The following SAMMSON variants were observed in gnomAD, a reference collection of about 807,000 sequenced individuals.
SAMMSON encodes the protein survival associated mitochondrial melanoma specific oncogenic non-coding RNA.
intron 1 of SAMMSON, among the ~76,000 whole-genome samples, chr3:70,009,969 T>C (rs1309501620): frequency 6.7e-6 from 1 of 149,850 alleles, no homozygotes; most frequent in Non-Finnish European, 1.5e-5. Flanking sequence ...TTCTTAATCC[T>C]GAGTTCTAGT....
At chr3:70,134,323 G>C (rs2067496973) in intron 4 of SAMMSON, among the ~76,000 whole-genome samples, 1 of 149,194 alleles carries the variant, frequency 6.7e-6, no homozygotes, top group Non-Finnish European at 1.5e-5. Flanking sequence ...TAGTGTTCCT[G>C]ATACATAGAA....
At chr3:70,006,377 G>A (rs917513881) in intron 1 of SAMMSON, among the ~76,000 whole-genome samples, 9 of 152,148 alleles carry the variant, frequency 5.9e-5, no homozygotes, top group African/African-American at 1.4e-4. Context: ...TTAAGGGCCC[G>A]CCCTTCCCTC....
At chr3:70,024,156 C>A (rs1447298374) in intron 3 of SAMMSON, among the ~76,000 whole-genome samples, 1 of 152,072 alleles carries the variant, frequency 6.6e-6, no homozygotes, top group Non-Finnish European at 1.5e-5. Flanking sequence ...GTTCTTTGAC[C>A]CAAAGAACAA....
At chr3:70,391,766 T>C (rs1701050803), downstream of SAMMSON, among the ~76,000 whole-genome samples, 1 of 152,180 alleles carries the variant, frequency 6.6e-6, no homozygotes, top group African/African-American at 2.4e-5. Context: ...AATGGGAATT[T>C]AGTTATACAG....
At chr3:70,382,312 G>T (rs758435509) in intron 9 of SAMMSON, among the ~76,000 whole-genome samples, 1 of 151,974 alleles carries the variant, frequency 6.6e-6, no homozygotes, top group African/African-American at 2.4e-5. Flanking sequence ...CTTTTGAGAT[G>T]CTCTTTAATA....
intron 9 of SAMMSON, among the ~76,000 whole-genome samples, chr3:70,365,970 CTTTTTTTTTTTTTTTTTTT>C (rs1193657961): frequency 0.025 from 702 of 27,814 alleles, 243 homozygotes; most frequent in African/African-American, 0.086. Flanking sequence ...TTTACCTTTT[CTTTTTTTTTTTTTTTTTTT>C]TTTTTTTTTT....
At chr3:70,321,675 A>C (rs1056095983) in intron 7 of SAMMSON, among the ~76,000 whole-genome samples, 1 of 152,060 alleles carries the variant, frequency 6.6e-6, no homozygotes, top group South Asian at 2.1e-4. Flanking sequence ...ACTCTTCATT[A>C]CCCTATAAAA....
At chr3:70,058,777 C>A (rs528742048) in intron 3 of SAMMSON, among the ~76,000 whole-genome samples, 32 of 152,092 alleles carry the variant, frequency 2.1e-4, no homozygotes, top group African/African-American at 7.2e-4. Flanking sequence ...CTGTATATAC[C>A]ATCATATAAA....
chr3:70,286,405 T>C (rs1278452511), intron 6 of SAMMSON, among the ~76,000 whole-genome samples: 4 of 152,030 alleles, frequency 2.6e-5, no homozygotes, highest in Admixed American at 2.0e-4. Context: ...TCTGTTCTGT[T>C]CCATTGATCT....
chr3:70,254,372 T>C (rs1413387540), intron 6 of SAMMSON, among the ~76,000 whole-genome samples: 2 of 152,230 alleles, frequency 1.3e-5, no homozygotes, highest in Non-Finnish European at 2.9e-5. Flanking sequence ...TCAATTATTA[T>C]TTTGTTTTGT....
At chr3:70,320,993 G>C (rs1049052842) in intron 7 of SAMMSON, among the ~76,000 whole-genome samples, 5 of 151,902 alleles carry the variant, frequency 3.3e-5, no homozygotes, top group African/African-American at 1.2e-4. Context: ...AAAGTAAAGA[G>C]CTTGGAAAAA....
chr3:70,015,281 A>C (rs1255552690), intron 3 of SAMMSON: 1 of 152,042 alleles, frequency 6.6e-6, no homozygotes, highest in African/African-American at 2.4e-5. Context: ...ACTCCGTCTC[A>C]AAAAAAACCA....
At chr3:70,068,360 G>A (rs914023390) in intron 3 of SAMMSON, 2 of 151,946 alleles carry the variant, frequency 1.3e-5, no homozygotes, top group Admixed American at 1.3e-4. Flanking sequence ...AAGATACCGC[G>A]GCAGAGGTTT....
chr3:70,057,920 G>T (rs1308206158), intron 3 of SAMMSON, among the ~76,000 whole-genome samples: 1 of 151,868 alleles, frequency 6.6e-6, no homozygotes, highest in Non-Finnish European at 1.5e-5. Flanking sequence ...ACAAAATCCA[G>T]GTCCTCAGAG....
At chr3:70,306,336 C>A (rs1559559611) in intron 7 of SAMMSON, among the ~76,000 whole-genome samples, 1 of 152,182 alleles carries the variant, frequency 6.6e-6, no homozygotes, top group African/African-American at 2.4e-5. Flanking sequence ...TGGTCTCAAA[C>A]TCCTGACCTC....
intron 3 of SAMMSON, among the ~76,000 whole-genome samples, chr3:70,064,256 G>A (rs1025219524): frequency 1.3e-5 from 2 of 152,104 alleles, no homozygotes; most frequent in South Asian, 2.1e-4. Context: ...TCTGTCTATT[G>A]TGCTGTCTTA....
At position 70,192,481 on chromosome 3, in the gene SAMMSON, C is replaced by G. The variant is rs1215690773; in HGVS notation, n.508-56626C>G. Among the ~76,000 whole-genome samples, 3 of 152,084 alleles carry G rather than the reference C, an allele frequency of 2.0e-5. No homozygotes were observed. The South Asian group carries it at 6.2e-4, about 32-fold the overall frequency. ...AAATGCCATGGAGGTGATCTTTAAG[C>G]CAGACTCCCCAAACCTGTCTTAAAT... On this transcript the variant is annotated intron_variant and non_coding_transcript_variant, in intron 4 of 9. Coordinates refer to ENST00000642114, the Ensembl canonical transcript of SAMMSON.
intron 3 of SAMMSON, among the ~76,000 whole-genome samples, chr3:70,056,270 G>A (rs944342827): frequency 1.3e-5 from 2 of 151,924 alleles, no homozygotes; most frequent in Non-Finnish European, 2.9e-5. Flanking sequence ...GATTTACTGG[G>A]CACATATTAT....
chr3:70,307,314 G>A (rs999023271), intron 7 of SAMMSON, among the ~76,000 whole-genome samples: 6 of 152,084 alleles, frequency 3.9e-5, no homozygotes, highest in African/African-American at 1.2e-4. Flanking sequence ...ATAAGAAATC[G>A]TGTGCACTTC....
Sources: allele counts gnomAD v4.1 joint callset (sites outside exome capture counted in the v4.1 genomes callset), GRCh38; gene constraint gnomAD v4.1.1; transcripts MANE v1.5; gene names NCBI Gene and HGNC (gene_info 2026-07-23, HGNC 2026-07-21).